PPP3CA: variants seen among roughly 807,000 people sequenced by gnomAD.
PPP3CA encodes protein phosphatase 3 catalytic subunit alpha, also known as CAM-PRP catalytic subunit.
PPP3CA carries 14 observed loss-of-function variants against 66.5 expected under a neutral mutation model. The observed-to-expected ratio is 0.21, with a 90% CI of 0.14 to 0.33. PPP3CA has a LOEUF of 0.33. Ranked by LOEUF, PPP3CA falls within the 10% of genes least tolerant of loss-of-function variation. The pLI, the probability that PPP3CA is intolerant of heterozygous loss-of-function variation, is 1.00. For synonymous variants in PPP3CA, 232 were observed against 226.2 expected, an observed-to-expected ratio of 1.03 and a Z score of -0.23; for missense variants, 317 against 639.5, an observed-to-expected ratio of 0.50 and a Z score of 5.44.
chr4:101,086,614 A>G (rs1729685660), intron 6 of PPP3CA, among the ~76,000 whole-genome samples: 1 of 151,934 alleles, frequency 6.6e-6, no homozygotes, highest in South Asian at 2.1e-4. Context: ...GGAAAGGCCT[A>G]TTCTTCTGCC....
At chr4:101,255,612 CTTA>C (rs1726816661) in intron 1 of PPP3CA, among the ~76,000 whole-genome samples, 1 of 151,820 alleles carries the variant, frequency 6.6e-6, no homozygotes, top group African/African-American at 2.4e-5. Context: ...ATTCTAACAT[CTTA>C]TTGTCAACCA....
At chr4:101,132,095 G>C (rs1722462098) in intron 2 of PPP3CA, among the ~76,000 whole-genome samples, 1 of 152,106 alleles carries the variant, frequency 6.6e-6, no homozygotes. Flanking sequence ...CTGGGACACA[G>C]CTAAAGAAGT....
At chr4:101,314,569 C>CAAAAAAAAAAA (rs748980814) in intron 1 of PPP3CA, among the ~76,000 whole-genome samples, 2 of 75,256 alleles carry the variant, frequency 2.7e-5, no homozygotes, top group African/African-American at 9.7e-5. Context: ...ATCTCAAAAC[C>CAAAAAAAAAAA]AAAAAAAAAA....
chr4:101,124,116 T>C (rs1032806395), intron 2 of PPP3CA, among the ~76,000 whole-genome samples: 3 of 151,992 alleles, frequency 2.0e-5, no homozygotes, highest in African/African-American at 7.3e-5. Flanking sequence ...TTTTAAAGAG[T>C]TTTGTATATC....
At chr4:101,223,986 A>C (rs570161526) in intron 1 of PPP3CA, among the ~76,000 whole-genome samples, 1 of 151,982 alleles carries the variant, frequency 6.6e-6, no homozygotes, top group South Asian at 2.1e-4. Context: ...ATTAAAGGGA[A>C]AACAAAATTT....
chr4:101,128,852 G>T (rs1560616791), intron 2 of PPP3CA, among the ~76,000 whole-genome samples: 1 of 151,984 alleles, frequency 6.6e-6, no homozygotes, highest in Non-Finnish European at 1.5e-5. Flanking sequence ...AGCTGCAGGA[G>T]TTTTTTTTCA....
At chr4:101,297,701 C>T (rs960398847) in intron 1 of PPP3CA, among the ~76,000 whole-genome samples, 4 of 152,146 alleles carry the variant, frequency 2.6e-5, no homozygotes, top group African/African-American at 7.2e-5. Flanking sequence ...TTTTTCCCTA[C>T]TTCCTTATGC....
chr4:101,345,999 C>T (rs1171682140), intron 1 of PPP3CA, among the ~76,000 whole-genome samples: 1 of 152,152 alleles, frequency 6.6e-6, no homozygotes. Context: ...GTGTCTCTCC[C>T]CGGGGCGTGC....
At chr4:101,134,986 G>A (rs937882629) in intron 2 of PPP3CA, among the ~76,000 whole-genome samples, 20 of 151,978 alleles carry the variant, frequency 1.3e-4, no homozygotes, top group Admixed American at 6.6e-4. Context: ...ACCAAACACC[G>A]CATGTTCTCA....
At chr4:101,272,617 CACTT>C in intron 1 of PPP3CA, among the ~76,000 whole-genome samples, 1 of 152,310 alleles carries the variant, frequency 6.6e-6, no homozygotes, top group Non-Finnish European at 1.5e-5. Context: ...TCAGTTCCTC[CACTT>C]ACTTCTCCGT....
intron 1 of PPP3CA, among the ~76,000 whole-genome samples, chr4:101,287,061 A>G (rs2110284462): frequency 6.6e-6 from 1 of 152,182 alleles, no homozygotes; most frequent in African/African-American, 2.4e-5. Context: ...TAATATTAAT[A>G]TACCTTTTCT....
chr4:101,094,048 CCTCT>C, intron 5 of PPP3CA, 133 bp from the exon 6 acceptor site: 1 of 694,882 alleles, frequency 1.4e-6, no homozygotes, highest in Non-Finnish European at 2.1e-6. Context: ...ATGTCCTCTA[CCTCT>C]CTCTCTCTTC....
chr4:101,109,478 A>G (rs1721590893), intron 2 of PPP3CA, among the ~76,000 whole-genome samples: 1 of 151,988 alleles, frequency 6.6e-6, no homozygotes, highest in Non-Finnish European at 1.5e-5. Context: ...ACGACACCAA[A>G]GAATGGTTCA....
At chr4:101,170,887 T>C (rs1376564017) in intron 2 of PPP3CA, among the ~76,000 whole-genome samples, 1 of 152,168 alleles carries the variant, frequency 6.6e-6, no homozygotes, top group Admixed American at 6.6e-5. Flanking sequence ...TCTGTGAAAC[T>C]GACACAAATC....
chr4:101,032,128 T>G, intron 12 of PPP3CA, 139 bp downstream of exon 12: 1 of 550,586 alleles, frequency 1.8e-6, no homozygotes, highest in South Asian at 3.7e-5. Flanking sequence ...TCAAACTGAT[T>G]GGGGTTTCAG....
intron 1 of PPP3CA, among the ~76,000 whole-genome samples, chr4:101,249,104 G>T (rs183894737): frequency 0.013 from 1,936 of 151,898 alleles, 32 homozygotes; most frequent in African/African-American, 0.043. Context: ...AGCTTGCAGT[G>T]AGCCGAGATT....
intron 3 of PPP3CA, among the ~76,000 whole-genome samples, chr4:101,106,454 A>AAAGG (rs5860656): frequency 1.4e-4 from 1 of 7,150 alleles, no homozygotes. Flanking sequence ...AGAAAGAAAG[A>AAAGG]GAAAAGAAAA....
intron 2 of PPP3CA, among the ~76,000 whole-genome samples, chr4:101,119,510 A>C (rs1244691825): frequency 4.0e-5 from 6 of 151,018 alleles, no homozygotes; most frequent in Admixed American, 2.6e-4. Context: ...TGAAAAAACA[A>C]AAACAAAAAC....
At chr4:101,047,814 G>A (rs1425541419) in intron 10 of PPP3CA, among the ~76,000 whole-genome samples, 1 of 151,962 alleles carries the variant, frequency 6.6e-6, no homozygotes, top group Non-Finnish European at 1.5e-5. Context: ...TTCCTGAGGT[G>A]ATGGGTCCTA....
Sources: allele counts gnomAD v4.1 joint callset (sites outside exome capture counted in the v4.1 genomes callset), GRCh38; gene constraint gnomAD v4.1.1; transcripts MANE v1.5; gene names NCBI Gene and HGNC (gene_info 2026-07-23, HGNC 2026-07-21).